Variants in SLC11A2 observed in about 807,000 individuals in gnomAD.
SLC11A2 encodes natural resistance-associated macrophage protein 2.
In SLC11A2, 38 loss-of-function variants were observed where a neutral mutation model predicts 68.0. The observed-to-expected ratio is 0.56, with a 90% CI of 0.43 to 0.73. The LOEUF is 0.73. Among genes scored for constraint, SLC11A2 ranks in the 30% least tolerant of loss-of-function variants. The pLI, the probability that SLC11A2 is intolerant of heterozygous loss-of-function variation, is 0.00. For missense variants in SLC11A2, 517 were observed against 690.5 expected, an observed-to-expected ratio of 0.75 and a Z score of 2.82; for synonymous variants, 242 against 250.6, an observed-to-expected ratio of 0.97 and a Z score of 0.32.
the SLC11A2 span, chr12:50,960,889 A>C: frequency 7.9e-7 from 1 of 1,258,622 alleles, no homozygotes. Flanking sequence ...TATGTTGCCC[A>C]GGCTGTTTTC....
intron 2 of SLC11A2, chr12:51,009,292 G>GCACC (rs1943011699): frequency 1.2e-5 from 15 of 1,292,584 alleles, no homozygotes; most frequent in Non-Finnish European, 1.5e-5. Context: ...CGGGGTACTG[G>GCACC]CACCCTCGTG....
At chr12:50,978,260 A>C (rs894934356), downstream of SLC11A2, among the ~76,000 whole-genome samples, 3 of 151,478 alleles carry the variant, frequency 2.0e-5, no homozygotes, top group African/African-American at 7.3e-5. Context: ...CAACAATGAT[A>C]GACTGGATTA....
At chr12:51,028,454 TATTA>T, upstream of SLC11A2, 1 of 438,588 alleles carries the variant, frequency 2.3e-6, no homozygotes, top group Non-Finnish European at 4.0e-6. Context: ...CACTCCTAGA[TATTA>T]ATTAACAATT....
At chr12:51,025,818 C>T in intron 1 of SLC11A2, 1 of 986,552 alleles carries the variant, frequency 1.0e-6, no homozygotes, top group Non-Finnish European at 1.2e-6. Flanking sequence ...AGAAGGCGCT[C>T]CCTGAAGTCG....
chr12:51,028,038 A>G (rs1395913829), upstream of SLC11A2: 1 of 481,130 alleles, frequency 2.1e-6, no homozygotes. Context: ...GTGGAGTTTC[A>G]GAAAGGTTTG....
At chr12:51,021,947 A>G (rs1057271675) in intron 1 of SLC11A2, among the ~76,000 whole-genome samples, 1 of 152,110 alleles carries the variant, frequency 6.6e-6, no homozygotes, top group Non-Finnish European at 1.5e-5. Context: ...CATCAACCAG[A>G]GACATCAGAA....
chr12:51,017,275 T>G (rs1385865387), intron 1 of SLC11A2, among the ~76,000 whole-genome samples: 2 of 152,162 alleles, frequency 1.3e-5, no homozygotes, highest in Non-Finnish European at 2.9e-5. Context: ...TGCACATTCA[T>G]TGGACAGAAT....
downstream of SLC11A2, among the ~76,000 whole-genome samples, chr12:50,977,700 T>C (rs1939867230): frequency 6.6e-6 from 1 of 151,812 alleles, no homozygotes; most frequent in African/African-American, 2.4e-5. Flanking sequence ...ACCATCAGAG[T>C]GAACAGGCAA....
At chr12:50,954,588 C>T in the SLC11A2 span, among the ~76,000 whole-genome samples, 5 of 152,072 alleles carry the variant, frequency 3.3e-5, no homozygotes, top group African/African-American at 7.2e-5. Flanking sequence ...AGGCCGGGCA[C>T]GGTGGCTCAT....
chr12:50,990,028 A>G (rs1414061560), intron 15 of SLC11A2, among the ~76,000 whole-genome samples: 3 of 151,720 alleles, frequency 2.0e-5, no homozygotes, highest in Non-Finnish European at 2.9e-5. Flanking sequence ...AGAGAAGAAT[A>G]TATCTATAAT....
intron 1 of SLC11A2, among the ~76,000 whole-genome samples, chr12:51,023,612 A>G (rs999535013): frequency 6.6e-6 from 1 of 152,232 alleles, no homozygotes; most frequent in African/African-American, 2.4e-5. Flanking sequence ...ATATTAGGGC[A>G]GCAGACTTCC....
chr12:50,966,743 CCATTT>C, the SLC11A2 span, among the ~76,000 whole-genome samples: 1 of 152,176 alleles, frequency 6.6e-6, no homozygotes, highest in Non-Finnish European at 1.5e-5. Context: ...GTTCAAAGAC[CCATTT>C]CATTTATGTC....
chr12:50,998,087 G>C lies in SLC11A2; in HGVS notation c.675+1087C>G, dbSNP rs556055812. On this transcript the variant is annotated intron_variant, in intron 8 of 15. Transcript: ENST00000262052. Reference sequence around the variant, plus strand: ...AAATATACAACCAGGGCCAGGCACAGTGGCTCACAGCTGAAATCCTAGCAC... The same window carrying C: ...AAATATACAACCAGGGCCAGGCACACTGGCTCACAGCTGAAATCCTAGCAC... 1.0e-3 allele frequency among the ~76,000 whole-genome samples: 153 copies of C among 152,182 alleles called. 2 individuals carry two copies. Among genetic ancestry groups the C allele is most frequent in the Non-Finnish European group, 2.0e-3 (133 of 68,004 alleles).
intron 1 of SLC11A2, 66 bp from the exon 2 acceptor site, chr12:51,010,832 T>G: frequency 1.2e-6 from 1 of 802,842 alleles, no homozygotes. Context: ...GAACCAGCAG[T>G]TTGTTACTCT....
chr12:51,003,703 G>A (rs1340163046), intron 5 of SLC11A2, among the ~76,000 whole-genome samples: 1 of 150,614 alleles, frequency 6.6e-6, no homozygotes, highest in East Asian at 1.9e-4. Flanking sequence ...TGTGGTGGGA[G>A]GACTGCCTGA....
At chr12:51,001,156 C>G (rs1942183522) in intron 5 of SLC11A2, among the ~76,000 whole-genome samples, 1 of 144,676 alleles carries the variant, frequency 6.9e-6, no homozygotes, top group African/African-American at 2.6e-5. Context: ...CAAAGCGAGA[C>G]TCCATCTCAA....
At chr12:51,011,852 G>A (rs686528) in intron 1 of SLC11A2, among the ~76,000 whole-genome samples, 135,158 of 152,112 alleles carry the variant, frequency 0.89, 60,709 homozygotes, top group East Asian at 0.98. Context: ...GAGCCACCAC[G>A]CCCAGCCTAT....
downstream of SLC11A2, among the ~76,000 whole-genome samples, chr12:50,978,078 G>A (rs1939873561): frequency 1.3e-5 from 2 of 152,196 alleles, no homozygotes; most frequent in African/African-American, 4.8e-5. Flanking sequence ...GTGGAAGACA[G>A]TGTGGCGATT....
rs755515112 is a variant in SLC11A2 at position 50,986,572 on chromosome 12, A to AT, written c.*1752dup. The AT allele has an allele frequency of 4.8e-4, 557 of 1,167,720 alleles. No homozygotes were observed. Among genetic ancestry groups the AT allele is most frequent in the Middle Eastern group, 3.6e-3 (10 of 2,756 alleles). 72.3% of individuals were successfully genotyped at this position (1,167,720 alleles called of 1,614,324 possible). ...TGTTACCATATCATCTTTATAAAGA[A>AT]TTTTTTTTTTGTCGTCAGTTTGGCC... is the stretch of plus-strand genomic sequence containing the variant. On this transcript the variant is annotated 3_prime_UTR_variant, in exon 16 of 16. Coordinates refer to ENST00000262052, the MANE Select transcript of SLC11A2 (RefSeq NM_000617.3).
Sources: gnomAD v4.1 joint callset for allele counts (sites outside exome capture counted in the v4.1 genomes callset) on GRCh38, gnomAD v4.1.1 for gene constraint, MANE v1.5 for transcripts, NCBI Gene and HGNC (gene_info 2026-07-23, HGNC 2026-07-21) for gene names.